UNC5C: variants seen among roughly 807,000 people sequenced by gnomAD.
The protein encoded by UNC5C is unc-5 netrin receptor C, also known as netrin receptor UNC5C.
UNC5C carries 47 observed loss-of-function variants against 99.8 expected under a neutral mutation model. That is an observed-to-expected ratio of 0.47 (90% confidence interval 0.37 to 0.60). The LOEUF is 0.60. Ranked by LOEUF, UNC5C falls within the 20% of genes least tolerant of loss-of-function variation. The pLI, the probability that UNC5C is intolerant of heterozygous loss-of-function variation, is 0.00. For synonymous variants in UNC5C, 487 were observed against 452.2 expected, an observed-to-expected ratio of 1.08 and a Z score of -0.98; for missense variants, 1,062 against 1,165.9, an observed-to-expected ratio of 0.91 and a Z score of 1.30.
At chr4:95,235,272 A>G (rs1739066326) in intron 7 of UNC5C, among the ~76,000 whole-genome samples, 1 of 152,214 alleles carries the variant, frequency 6.6e-6, no homozygotes, top group Non-Finnish European at 1.5e-5. Context: ...ATTTATTATT[A>G]TAAACATAAT....
At chr4:95,335,249 A>G (rs1743287841) in intron 2 of UNC5C, among the ~76,000 whole-genome samples, 161 bp downstream of exon 2, 1 of 152,010 alleles carries the variant, frequency 6.6e-6, no homozygotes, top group Non-Finnish European at 1.5e-5. Context: ...TTTTCAACAC[A>G]TGAAACAAGA....
At chr4:95,516,285 C>T (rs571454483) in intron 1 of UNC5C, among the ~76,000 whole-genome samples, 124 of 152,206 alleles carry the variant, frequency 8.1e-4, no homozygotes, top group African/African-American at 2.9e-3. Context: ...TCCTCACAGA[C>T]AATTCTTCAA....
At chr4:95,439,721 T>C (rs546785304) in intron 1 of UNC5C, among the ~76,000 whole-genome samples, 1 of 152,316 alleles carries the variant, frequency 6.6e-6, no homozygotes, top group East Asian at 1.9e-4. Context: ...ATTTGGGAGA[T>C]GCTGATGTCA....
chr4:95,394,699 G>A (rs567342923), intron 1 of UNC5C, among the ~76,000 whole-genome samples: 2 of 146,322 alleles, frequency 1.4e-5, no homozygotes, highest in South Asian at 4.3e-4. Flanking sequence ...TCATTGCCTG[G>A]TATTATTTTT....
chr4:95,438,422 T>G (rs1024685313), intron 1 of UNC5C, among the ~76,000 whole-genome samples: 4 of 142,802 alleles, frequency 2.8e-5, no homozygotes, highest in African/African-American at 1.0e-4. Context: ...ATAATTCAAC[T>G]ATAGGAACGT....
intron 1 of UNC5C, among the ~76,000 whole-genome samples, chr4:95,438,499 A>G (rs184244330): frequency 4.3e-4 from 66 of 152,278 alleles, no homozygotes; most frequent in South Asian, 2.3e-3. Context: ...GCATAATGCA[A>G]AAGTATATGT....
At chr4:95,454,766 A>G (rs981697395) in intron 1 of UNC5C, among the ~76,000 whole-genome samples, 4 of 152,122 alleles carry the variant, frequency 2.6e-5, no homozygotes, top group Non-Finnish European at 4.4e-5. Flanking sequence ...ATGAGACTTT[A>G]TGACTCAATG....
chr4:95,283,485 C>T (rs1374872278), intron 3 of UNC5C, among the ~76,000 whole-genome samples: 2 of 152,198 alleles, frequency 1.3e-5, no homozygotes, highest in Admixed American at 1.3e-4. Flanking sequence ...GGCCGTGCAG[C>T]ACAGAAGCCG....
rs1735980934 is a variant in UNC5C at position 95,169,161 on chromosome 4, A to C, written c.*73T>G. Reference sequence around the variant, plus strand: ...TTGGTCTCATCTGGATTTCCTCCTCAGCTGTGATTCACCTGGACGGCCACA... The same window carrying C: ...TTGGTCTCATCTGGATTTCCTCCTCCGCTGTGATTCACCTGGACGGCCACA... On this transcript the variant is annotated 3_prime_UTR_variant, in exon 16 of 16. Transcript: ENST00000453304. 6.3e-7 allele frequency: 1 copy of C among 1,579,894 alleles called. No homozygotes were observed. Among genetic ancestry groups the C allele is most frequent in the South Asian group, 1.2e-5 (1 of 85,772 alleles).
At chr4:95,428,523 T>C (rs994668973) in intron 1 of UNC5C, among the ~76,000 whole-genome samples, 56 of 152,248 alleles carry the variant, frequency 3.7e-4, no homozygotes, top group African/African-American at 1.3e-3. Context: ...ATAGGAGTGA[T>C]AATGTGGAGT....
intron 1 of UNC5C, among the ~76,000 whole-genome samples, chr4:95,483,996 T>TA (rs1237285946): frequency 6.6e-6 from 1 of 151,810 alleles, no homozygotes. Context: ...ATGGTGAATT[T>TA]AAGAGTCCTT....
chr4:95,343,392 C>T (rs571495141), intron 1 of UNC5C, among the ~76,000 whole-genome samples: 2 of 152,216 alleles, frequency 1.3e-5, no homozygotes, highest in South Asian at 4.1e-4. Flanking sequence ...CCAGAGAAGT[C>T]TTCCAGATCT....
At chr4:95,423,487 T>C (rs1746377746) in intron 1 of UNC5C, among the ~76,000 whole-genome samples, 1 of 152,160 alleles carries the variant, frequency 6.6e-6, no homozygotes, top group Non-Finnish European at 1.5e-5. Flanking sequence ...TATCCATGGA[T>C]CACTACAAGA....
At chr4:95,400,550 G>A (rs1427643547) in intron 1 of UNC5C, among the ~76,000 whole-genome samples, 2 of 151,764 alleles carry the variant, frequency 1.3e-5, no homozygotes, top group African/African-American at 2.4e-5. Context: ...CCGCCACCAC[G>A]CCCAGCTAAT....
At chr4:95,311,933 G>T (rs1258337513) in intron 2 of UNC5C, among the ~76,000 whole-genome samples, 1 of 152,082 alleles carries the variant, frequency 6.6e-6, no homozygotes, top group South Asian at 2.1e-4. Flanking sequence ...TACAGTACTA[G>T]CTGCTCAGGA....
chr4:95,542,508 C>G (rs1722944826), intron 1 of UNC5C, among the ~76,000 whole-genome samples: 1 of 152,092 alleles, frequency 6.6e-6, no homozygotes, highest in Non-Finnish European at 1.5e-5. Context: ...GCAACTTTAA[C>G]ACTATGTACT....
At chr4:95,346,578 T>C (rs563698112) in intron 1 of UNC5C, among the ~76,000 whole-genome samples, 1 of 152,100 alleles carries the variant, frequency 6.6e-6, no homozygotes. Context: ...AAAAAGATAA[T>C]TCATCATTGC....
intron 4 of UNC5C, among the ~76,000 whole-genome samples, chr4:95,273,411 G>C (rs924677325): frequency 1.3e-5 from 2 of 152,144 alleles, no homozygotes; most frequent in East Asian, 3.8e-4. Context: ...AAAGCATCTC[G>C]GAATATATTT....
intron 3 of UNC5C, among the ~76,000 whole-genome samples, chr4:95,296,614 T>C (rs540967854): frequency 3.7e-4 from 56 of 152,304 alleles, no homozygotes; most frequent in African/African-American, 1.3e-3. Flanking sequence ...TTTGAAACTA[T>C]GCAGCTCTTA....
Sources: allele counts gnomAD v4.1 joint callset (sites outside exome capture counted in the v4.1 genomes callset), GRCh38; gene constraint gnomAD v4.1.1; transcripts MANE v1.5; gene names NCBI Gene and HGNC (gene_info 2026-07-23, HGNC 2026-07-21).